MYL3: variants seen among roughly 807,000 people sequenced by gnomAD.
MYL3 encodes CMLC1.
A neutral mutation model predicts 21.3 loss-of-function variants in MYL3; 11 were observed. The ratio of observed to expected loss-of-function variants is 0.52; its 90% CI spans 0.32 to 0.85. The LOEUF is 0.85. Among genes scored for constraint, MYL3 ranks in the 40% least tolerant of loss-of-function variants. MYL3 has a pLI of 0.03. For synonymous variants in MYL3, 88 were observed against 91.6 expected (o/e 0.96, Z 0.22); for missense variants, 206 against 253.3 (o/e 0.81, Z 1.27).
At chr3:46,868,171 G>A (rs1354273688), upstream of MYL3, among the ~76,000 whole-genome samples, 1 of 152,170 alleles carries the variant, frequency 6.6e-6, no homozygotes, top group Non-Finnish European at 1.5e-5. Context: ...ACAACCCCGG[G>A]CCTTGAGAGA....
chr3:46,861,048 T>C lies in MYL3; in HGVS notation c.130-61A>G. 2 of 1,594,150 alleles carry C rather than the reference T, an allele frequency of 1.3e-6. No homozygotes were observed. Among genetic ancestry groups the C allele is most frequent in the Non-Finnish European group, 8.6e-7 (1 of 1,162,418 alleles). Reference sequence around the variant, plus strand: ...TAAAAGGTGGGGCCACACCTCCTCCTGGGCACTCGGTGGCCAGCCCAGAAT... The same window carrying C: ...TAAAAGGTGGGGCCACACCTCCTCCCGGGCACTCGGTGGCCAGCCCAGAAT... On this transcript the variant is annotated intron_variant, in intron 1 of 6. Coordinates refer to ENST00000292327, the MANE Select transcript of MYL3 (RefSeq NM_000258.3). The surrounding 1 kb of genome is among the most constrained non-coding windows in gnomAD (Gnocchi z 4.2).
At chr3:46,865,030 G>T (rs115663215), upstream of MYL3, among the ~76,000 whole-genome samples, 1 of 152,342 alleles carries the variant, frequency 6.6e-6, no homozygotes, top group Non-Finnish European at 1.5e-5. The surrounding 1 kb of genome is among the most constrained non-coding windows in gnomAD (Gnocchi z 4.3). Flanking sequence ...CAAAGCCAGG[G>T]ATTTCCCTGG....
chr3:46,879,802 G>T lies in MYL3; in HGVS notation c.-218+2272C>A, dbSNP rs1168162640. On this transcript the variant is annotated intron_variant, in intron 1 of 3. Coordinates refer to the MYL3 transcript ENST00000431168. The surrounding 1 kb of genome is among the most constrained non-coding windows in gnomAD (Gnocchi z 4.7). Reference sequence around the variant, plus strand: ...CACGCTTGTAATCTCAACACTTTGGGAGGCCGAGACAGGATCACTTGAGGC... The same window carrying T: ...CACGCTTGTAATCTCAACACTTTGGTAGGCCGAGACAGGATCACTTGAGGC... 2.0e-5 allele frequency among the ~76,000 whole-genome samples: 3 copies of T among 152,080 alleles called. No homozygotes were observed. The highest frequency in any genetic ancestry group is 4.4e-5 in the Non-Finnish European group (3 of 68,018).
Position 46,860,716 on chromosome 3 carries a change from C to T in MYL3, c.267G>A (p.Gln89=). ...VLRALGQNPT[Q]AEVLRVLGKP... ...TCCCCAGGACACGGAGCACTTCTGC[C>T]TGTGTGGGGTTCTGGCCCAGCGCCC... The change falls in exon 3 of 7, where the codon CAG becomes CAA. Residue 89 remains glutamine, a synonymous_variant. Coordinates refer to ENST00000292327, the MANE Select transcript of MYL3 (RefSeq NM_000258.3). The surrounding 1 kb of genome is among the most constrained non-coding windows in gnomAD (Gnocchi z 4.6). The T allele has an allele frequency of 6.2e-6, 10 of 1,614,164 alleles. No homozygotes were observed. The highest frequency in any genetic ancestry group is 8.5e-6 in the Non-Finnish European group (10 of 1,180,030).
intron 1 of MYL3, among the ~76,000 whole-genome samples, chr3:46,872,979 C>G (rs2029996864): frequency 6.6e-6 from 1 of 152,216 alleles, no homozygotes; most frequent in Admixed American, 6.5e-5. Flanking sequence ...CAGCTCTGGC[C>G]AATAGGTGTG....
intron 1 of MYL3, among the ~76,000 whole-genome samples, chr3:46,868,670 G>A (rs922392125): frequency 6.6e-6 from 1 of 152,192 alleles, no homozygotes; most frequent in African/African-American, 2.4e-5. Context: ...GAAGCCTCTA[G>A]GGACCCAAGC....
At position 46,859,428 on chromosome 3, in the gene MYL3, A is replaced by C. The variant is rs767126652; in HGVS notation, c.481+47T>G. Reference sequence around the variant, plus strand: ...GGGGGGCAACAGAGTGGTTTCTCCCAGGATGTCCCTGGAAGGAGTTGGGGT... The same window carrying C: ...GGGGGGCAACAGAGTGGTTTCTCCCCGGATGTCCCTGGAAGGAGTTGGGGT... On this transcript the variant is annotated intron_variant, in intron 4 of 6. Coordinates refer to ENST00000292327, the MANE Select transcript of MYL3 (RefSeq NM_000258.3). The surrounding 1 kb of genome is among the most constrained non-coding windows in gnomAD (Gnocchi z 4.1). The C allele has an allele frequency of 6.2e-7, 1 of 1,612,500 alleles. No homozygotes were observed. The highest frequency in any genetic ancestry group is 8.5e-7 in the Non-Finnish European group (1 of 1,179,406).
chr3:46,868,494 G>A (rs554998979), intron 1 of MYL3, among the ~76,000 whole-genome samples: 51 of 152,338 alleles, frequency 3.3e-4, no homozygotes, highest in East Asian at 5.8e-4. Context: ...AGGGCCCAGC[G>A]GGCTGGCAGG....
In MYL3 at chr3:46,879,572, G is replaced by A. The variant is rs1050177709; in HGVS notation, c.-218+2502C>T. Among the ~76,000 whole-genome samples the A allele has an allele frequency of 2.6e-5, 4 of 151,790 alleles. 1 individual carries two copies. Among genetic ancestry groups the A allele is most frequent in the South Asian group, 4.2e-4 (2 of 4,810 alleles). ...AGTCTAGGCAACAAAGTGAGACCTC[G>A]TCTCTACAAAAAAAAAATTTTTTAA... On this transcript the variant is annotated intron_variant, in intron 1 of 3. Coordinates refer to the MYL3 transcript ENST00000431168. The surrounding 1 kb of genome is among the most constrained non-coding windows in gnomAD (Gnocchi z 4.7).
At chr3:46,875,203 G>T (rs1697850875) in intron 1 of MYL3, among the ~76,000 whole-genome samples, 1 of 152,198 alleles carries the variant, frequency 6.6e-6, no homozygotes, top group Non-Finnish European at 1.5e-5. Context: ...CCCAAAGAAA[G>T]CACAGAGATG....
intron 4 of MYL3, among the ~76,000 whole-genome samples, chr3:46,858,831 G>A (rs1234963759): frequency 3.9e-5 from 6 of 152,100 alleles, no homozygotes; most frequent in Non-Finnish European, 7.4e-5. Flanking sequence ...GAGACCACCC[G>A]CTGCTCCCCA....
rs570482006 is a variant in MYL3 at position 46,877,434 on chromosome 3, G to C, written c.-218+4640C>G. ...GACCAGAGGGTTAGACAGGGACACA[G>C]AGACTAAGAGAGAGGCATGGCAGGG... On this transcript the variant is annotated intron_variant, in intron 1 of 3. Transcript: ENST00000431168. Among the ~76,000 whole-genome samples, 116 of 152,342 alleles carry C rather than the reference G, an allele frequency of 7.6e-4. 1 individual carries two copies. Among genetic ancestry groups the C allele is most frequent in the Middle Eastern group, 6.8e-3 (2 of 294 alleles).
At position 46,858,491 on chromosome 3, in the gene MYL3, C is replaced by T. The variant is rs768956281; in HGVS notation, c.482-30G>A. 3.1e-5 allele frequency: 50 copies of T among 1,605,022 alleles called. No individual in the cohort carries two copies. In the Middle Eastern group the frequency reaches 2.3e-3, roughly 74 times the overall value. ...CAGGAGTGGGAGGCTGAGTCAGCAC[C>T]GTGCGTGCAGAGGCATGATGGGGTG... is the stretch of plus-strand genomic sequence containing the variant. On this transcript the variant is annotated intron_variant, in intron 4 of 6. Coordinates refer to ENST00000292327, the MANE Select transcript of MYL3 (RefSeq NM_000258.3).
chr3:46,861,096 A>G lies in MYL3; in HGVS notation c.130-109T>C, dbSNP rs1341724404. The G allele has an allele frequency of 5.3e-6, 7 of 1,319,824 alleles. No homozygotes were observed. The highest frequency in any genetic ancestry group is 1.5e-5 in the African/African-American group (1 of 68,924). 81.8% of individuals were successfully genotyped at this position (1,319,824 alleles called of 1,614,324 possible). A position where few individuals can be genotyped will look rare whatever the true frequency, so the allele number is the denominator to read the frequency against. ...AATGTCAACTGTCTCAGCCTGTCCC[A>G]TTCCAGCATCCCAGCCTGCACCCCC... On this transcript the variant is annotated intron_variant, in intron 1 of 6. Coordinates refer to ENST00000292327, the MANE Select transcript of MYL3 (RefSeq NM_000258.3). This position sits in a 1 kb window ranked among gnomAD's most constrained non-coding sequence, Gnocchi z 4.2.
chr3:46,866,099 C>G (rs1485432750), upstream of MYL3, among the ~76,000 whole-genome samples: 3 of 73,502 alleles, frequency 4.1e-5, no homozygotes, highest in African/African-American at 1.6e-4. Flanking sequence ...GGAAGGTGGG[C>G]AGGGAGTTGG....
chr3:46,865,575 C>T (rs920307007), upstream of MYL3, among the ~76,000 whole-genome samples: 1 of 152,240 alleles, frequency 6.6e-6, no homozygotes, highest in African/African-American at 2.4e-5. This position sits in a 1 kb window ranked among gnomAD's most constrained non-coding sequence, Gnocchi z 4.3. Flanking sequence ...ATACAGGGCC[C>T]TCTCTCCCAT....
upstream of MYL3, among the ~76,000 whole-genome samples, chr3:46,866,974 C>T (rs1406285314): frequency 6.6e-6 from 1 of 152,182 alleles, no homozygotes. Context: ...GAACTCAAAC[C>T]CCAGAACCCA....
intron 5 of MYL3, 26 bp downstream of exon 5, chr3:46,858,358 A>G: frequency 6.2e-7 from 1 of 1,614,124 alleles, no homozygotes; most frequent in Non-Finnish European, 8.5e-7. Context: ...CCCCTCCCAG[A>G]AGACCCCTGC....
chr3:46,878,249 T>G (rs1575503305), intron 1 of MYL3, among the ~76,000 whole-genome samples: 1 of 152,226 alleles, frequency 6.6e-6, no homozygotes, highest in East Asian at 1.9e-4. Flanking sequence ...GGGGTGTTTA[T>G]GAGCAGCCGA....
Sources: allele counts gnomAD v4.1 joint callset (sites outside exome capture counted in the v4.1 genomes callset), GRCh38; gene constraint gnomAD v4.1.1; non-coding constraint Gnocchi (gnomAD v3.1); transcripts MANE v1.5; gene names NCBI Gene and HGNC (gene_info 2026-07-23, HGNC 2026-07-21).